The following VWA8 variants were observed in gnomAD, a reference collection of about 807,000 sequenced individuals.
The protein encoded by VWA8 is von Willebrand factor A domain containing 8, also known as von Willebrand factor A domain-containing protein 8.
VWA8 carries 221 observed loss-of-function variants against 241.5 expected under a neutral mutation model. The observed-to-expected ratio is 0.91, with a 90% confidence interval of 0.82 to 1.02. VWA8 has a LOEUF of 1.02. Among genes scored for constraint, VWA8 ranks in the 50% least tolerant of loss-of-function variants. The pLI, the probability that VWA8 is intolerant of heterozygous loss-of-function variation, is 0.00. For missense variants in VWA8, 2,322 were observed against 2,328.7 expected, an observed-to-expected ratio of 1.00 and a Z score of 0.06; for synonymous variants, 852 against 827.1, an observed-to-expected ratio of 1.03 and a Z score of -0.52.
At chr13:41,759,980 A>G (rs2137905077) in intron 21 of VWA8, among the ~76,000 whole-genome samples, 1 of 151,954 alleles carries the variant, frequency 6.6e-6, no homozygotes, top group East Asian at 1.9e-4. Context: ...ATTAAATAGC[A>G]AGCATCCTTC....
At chr13:41,840,676 T>C (rs1423944613) in intron 12 of VWA8, among the ~76,000 whole-genome samples, 1 of 151,680 alleles carries the variant, frequency 6.6e-6, no homozygotes. Context: ...CAAGGATCAC[T>C]TGAGGCCAGG....
intron 23 of VWA8, among the ~76,000 whole-genome samples, chr13:41,729,173 G>A (rs1004244901): frequency 6.6e-6 from 1 of 151,782 alleles, no homozygotes; most frequent in Non-Finnish European, 1.5e-5. Flanking sequence ...CCACATATAT[G>A]TGTACATATA....
In VWA8 at chr13:41,883,492, C is replaced by T. The variant is rs1566493739; in HGVS notation, c.976-1G>A. On this transcript the variant is annotated splice_acceptor_variant, in intron 8 of 44. Coordinates refer to ENST00000379310, the MANE Select transcript of VWA8 (RefSeq NM_015058.2). LOFTEE classifies it high-confidence loss of function. ...TGATTGGCATCATAGGAAAGGAATC[C>T]TATGTAGGAGCAAAAATACATAGGA... 1.7e-5 allele frequency: 27 copies of T among 1,608,780 alleles called. No homozygotes were observed. Among genetic ancestry groups the T allele is most frequent in the Non-Finnish European group, 2.2e-5 (26 of 1,175,966 alleles).
chr13:41,796,534 C>T (rs1294530523), intron 17 of VWA8, among the ~76,000 whole-genome samples: 1 of 151,774 alleles, frequency 6.6e-6, no homozygotes, highest in East Asian at 1.9e-4. Flanking sequence ...CTTATTTGTT[C>T]TTCCTCTCTT....
chr13:41,863,865 G>A (rs73185319), intron 12 of VWA8, among the ~76,000 whole-genome samples: 1,884 of 152,170 alleles, frequency 0.012, 13 homozygotes, highest in East Asian at 0.021. Flanking sequence ...TTAACTGCCT[G>A]GGTGACGGAA....
chr13:41,699,046 A>G (rs2045232367), intron 29 of VWA8, 25 bp downstream of exon 29: 3 of 1,613,642 alleles, frequency 1.9e-6, no homozygotes, highest in East Asian at 2.2e-5. Flanking sequence ...CATTCCTCAC[A>G]TAATTGTAGC....
At chr13:41,631,235 GT>G (rs1474677926) in intron 37 of VWA8, among the ~76,000 whole-genome samples, 2 of 152,098 alleles carry the variant, frequency 1.3e-5, no homozygotes, top group African/African-American at 4.8e-5. Flanking sequence ...GGCCAGGCTG[GT>G]CTTGAACCTT....
intron 2 of VWA8, among the ~76,000 whole-genome samples, chr13:41,921,469 A>C (rs1310547432): frequency 6.6e-6 from 1 of 152,192 alleles, no homozygotes; most frequent in Non-Finnish European, 1.5e-5. Context: ...AATTAAGGGT[A>C]TTCGATTAGG....
chr13:41,735,707 T>C (rs779907385), intron 21 of VWA8, among the ~76,000 whole-genome samples: 2 of 152,132 alleles, frequency 1.3e-5, no homozygotes, highest in Non-Finnish European at 2.9e-5. Flanking sequence ...ATTATGTAAG[T>C]GGGAAATAAT....
At chr13:41,775,628 C>A (rs1868559282) in intron 20 of VWA8, among the ~76,000 whole-genome samples, 1 of 152,180 alleles carries the variant, frequency 6.6e-6, no homozygotes, top group African/African-American at 2.4e-5. Context: ...AACCATCTAC[C>A]TATGGAGCTG....
intron 26 of VWA8, among the ~76,000 whole-genome samples, chr13:41,709,791 A>T (rs1448013327): frequency 1.4e-5 from 2 of 147,392 alleles, no homozygotes; most frequent in African/African-American, 2.5e-5. Flanking sequence ...TTTTTTTAAG[A>T]AACAGGGTCT....
At chr13:41,654,645 T>G (rs770154247) in intron 37 of VWA8, among the ~76,000 whole-genome samples, 4 of 152,232 alleles carry the variant, frequency 2.6e-5, no homozygotes, top group Non-Finnish European at 5.9e-5. Context: ...GATGATCACC[T>G]GCCAGCTCCT....
chr13:41,891,415 C>A lies in VWA8; in HGVS notation c.651+5G>T. On this transcript the variant is annotated splice_donor_5th_base_variant and intron_variant, in intron 5 of 44. Coordinates refer to ENST00000379310, the MANE Select transcript of VWA8 (RefSeq NM_015058.2). ...AGACAAAGCAACAGGATTTTCTTTT[C>A]TTACTCGGAGAAGTTTGTCGTAACG... 3 of 1,613,968 alleles carry A rather than the reference C, an allele frequency of 1.9e-6. No homozygotes were observed. In the South Asian group the frequency reaches 3.3e-5, roughly 18 times the overall value.
intron 4 of VWA8, among the ~76,000 whole-genome samples, chr13:41,897,895 C>A (rs1875199360): frequency 6.6e-6 from 1 of 152,126 alleles, no homozygotes; most frequent in Non-Finnish European, 1.5e-5. Flanking sequence ...GCTAGCTGGC[C>A]CCCACCCACA....
intron 24 of VWA8, among the ~76,000 whole-genome samples, chr13:41,724,952 C>T (rs2045420754): frequency 6.6e-6 from 1 of 152,100 alleles, no homozygotes; most frequent in African/African-American, 2.4e-5. Flanking sequence ...CATTTAGGGA[C>T]ACTTGAGGCC....
intron 21 of VWA8, among the ~76,000 whole-genome samples, chr13:41,758,084 AG>A (rs1375111813): frequency 6.6e-6 from 1 of 151,232 alleles, no homozygotes; most frequent in African/African-American, 2.4e-5. Context: ...GAGGATACTG[AG>A]GGGGATGTTG....
At chr13:41,912,260 T>C (rs1876045556) in intron 2 of VWA8, 92 bp from the exon 3 acceptor site, 2 of 771,398 alleles carry the variant, frequency 2.6e-6, no homozygotes, top group African/African-American at 3.5e-5. Flanking sequence ...TATATATATA[T>C]AACGTATATA....
chr13:41,952,059 C>T (rs1207490908), intron 1 of VWA8, among the ~76,000 whole-genome samples: 3 of 152,192 alleles, frequency 2.0e-5, no homozygotes, highest in Non-Finnish European at 4.4e-5. Context: ...CCCTTTTCCT[C>T]CCCTGTCCAA....
chr13:41,886,609 T>G (rs1243574348), intron 7 of VWA8, among the ~76,000 whole-genome samples, 172 bp downstream of exon 7: 1 of 152,224 alleles, frequency 6.6e-6, no homozygotes, highest in African/African-American at 2.4e-5. Context: ...TATTAGATCT[T>G]GAGTTTCCTG....
Sources: allele counts gnomAD v4.1 joint callset (sites outside exome capture counted in the v4.1 genomes callset), GRCh38; gene constraint gnomAD v4.1.1; transcripts MANE v1.5; gene names NCBI Gene and HGNC (gene_info 2026-07-23, HGNC 2026-07-21).